The following ABCD3 variants were observed in gnomAD, a reference collection of about 807,000 sequenced individuals.
ABCD3 encodes ATP-binding cassette sub-family D member 3.
Under a neutral mutation model 105.5 loss-of-function variants are expected in ABCD3, and 41 were observed. The ratio of observed to expected loss-of-function variants is 0.39; its 90% CI spans 0.30 to 0.50. The LOEUF is 0.50. Ranked by LOEUF, ABCD3 falls within the 20% of genes least tolerant of loss-of-function variation. ABCD3 has a pLI of 0.84. For missense variants in ABCD3, 622 were observed against 806.3 expected, an observed-to-expected ratio of 0.77 and a Z score of 2.77; for synonymous variants, 258 against 269.0, an observed-to-expected ratio of 0.96 and a Z score of 0.40.
At chr1:94,462,811 A>T (rs1270882838) in intron 2 of ABCD3, among the ~76,000 whole-genome samples, 1 of 152,178 alleles carries the variant, frequency 6.6e-6, no homozygotes, top group Admixed American at 6.6e-5. Flanking sequence ...GCCTACAGGT[A>T]AGGCAAGGTG....
intron 1 of ABCD3, among the ~76,000 whole-genome samples, chr1:94,434,630 T>A (rs1659829574): frequency 6.6e-6 from 1 of 152,216 alleles, no homozygotes; most frequent in Non-Finnish European, 1.5e-5. Flanking sequence ...TTCACTGAAA[T>A]GTTATGCAGT....
chr1:94,464,898 T>G, intron 3 of ABCD3, 25 bp downstream of exon 3: 1 of 1,567,004 alleles, frequency 6.4e-7, no homozygotes, highest in South Asian at 1.1e-5. Flanking sequence ...ATTATAATCT[T>G]AAGTATATTG....
intron 1 of ABCD3, among the ~76,000 whole-genome samples, chr1:94,447,996 G>C (rs755709184): frequency 2.0e-4 from 31 of 152,302 alleles, no homozygotes; most frequent in Admixed American, 4.6e-4. Context: ...AGCTGAGGCA[G>C]AGCTTCAGCT....
chr1:94,469,509 T>TA (rs35331533), intron 4 of ABCD3, among the ~76,000 whole-genome samples: 1 of 134,928 alleles, frequency 7.4e-6, no homozygotes, highest in African/African-American at 2.6e-5. Context: ...TTTTTTTTTT[T>TA]AAACCTACTT....
chr1:94,497,606 G>T (rs1021485376), intron 16 of ABCD3, among the ~76,000 whole-genome samples: 1 of 152,114 alleles, frequency 6.6e-6, no homozygotes, highest in Non-Finnish European at 1.5e-5. Flanking sequence ...TCTTTATGTT[G>T]TTGCAGAATA....
chr1:94,385,320 A>T, the ABCD3 span, among the ~76,000 whole-genome samples: 10 of 152,286 alleles, frequency 6.6e-5, no homozygotes, highest in South Asian at 4.2e-4. Context: ...AATAAAATAC[A>T]CTTGTGGACT....
chr1:94,411,562 A>G, the ABCD3 span, among the ~76,000 whole-genome samples: 1 of 152,198 alleles, frequency 6.6e-6, no homozygotes, highest in East Asian at 1.9e-4. Context: ...GCTGCTGTGG[A>G]AAAGTTTGGC....
intron 19 of ABCD3, among the ~76,000 whole-genome samples, chr1:94,499,270 A>G (rs1024288005): frequency 8.5e-5 from 13 of 152,156 alleles, no homozygotes; most frequent in African/African-American, 2.9e-4. Context: ...ACTGTGTACA[A>G]TAGTGTTATT....
chr1:94,447,704 A>G (rs1033179222), intron 1 of ABCD3, among the ~76,000 whole-genome samples: 1 of 152,174 alleles, frequency 6.6e-6, no homozygotes, highest in African/African-American at 2.4e-5. Context: ...ATCACTTGCA[A>G]AATTCAGTTT....
intron 2 of ABCD3, among the ~76,000 whole-genome samples, chr1:94,460,183 A>G (rs982630856): frequency 2.0e-5 from 3 of 152,206 alleles, no homozygotes; most frequent in Non-Finnish European, 4.4e-5. Context: ...TTAGATAAAC[A>G]TTAATTTATT....
the ABCD3 span, among the ~76,000 whole-genome samples, chr1:94,391,036 C>T: frequency 3.7e-4 from 57 of 152,282 alleles, no homozygotes; most frequent in South Asian, 1.0e-3. Context: ...TTCACAGTTA[C>T]GCTGATAAAT....
the ABCD3 span, among the ~76,000 whole-genome samples, chr1:94,392,909 G>A: frequency 6.6e-6 from 1 of 151,570 alleles, no homozygotes; most frequent in African/African-American, 2.4e-5. Flanking sequence ...GTCAAGAGAT[G>A]GAGACTATCC....
At chr1:94,450,153 G>A (rs896120099) in intron 1 of ABCD3, among the ~76,000 whole-genome samples, 4 of 152,190 alleles carry the variant, frequency 2.6e-5, no homozygotes, top group African/African-American at 9.6e-5. Context: ...ACACTTGGAC[G>A]ATCTGTGATT....
At chr1:94,396,722 A>G in the ABCD3 span, among the ~76,000 whole-genome samples, 2 of 152,156 alleles carry the variant, frequency 1.3e-5, no homozygotes, top group Non-Finnish European at 2.9e-5. Context: ...AAATACCTGA[A>G]ATTGTATTGA....
intron 2 of ABCD3, among the ~76,000 whole-genome samples, chr1:94,459,481 A>C (rs12029867): frequency 0.023 from 3,522 of 152,268 alleles, 78 homozygotes; most frequent in South Asian, 0.086. Flanking sequence ...TATTGCTAAA[A>C]TTCATCCTAA....
chr1:94,439,610 A>AAC (rs1407743814), intron 1 of ABCD3, among the ~76,000 whole-genome samples: 1 of 152,216 alleles, frequency 6.6e-6, no homozygotes, highest in Non-Finnish European at 1.5e-5. Context: ...CAGCCTGGGC[A>AAC]ACAGAGCGAG....
intron 21 of ABCD3, among the ~76,000 whole-genome samples, chr1:94,511,361 G>A (rs1198716086): frequency 3.9e-5 from 6 of 152,214 alleles, no homozygotes; most frequent in Admixed American, 1.3e-4. Context: ...CGAGAGATCC[G>A]CTGTTAGTCT....
At chr1:94,469,058 T>C (rs186205089) in intron 4 of ABCD3, among the ~76,000 whole-genome samples, 1 of 152,356 alleles carries the variant, frequency 6.6e-6, no homozygotes, top group East Asian at 1.9e-4. Flanking sequence ...CATAGCTTAA[T>C]GTCAGATGTT....
chr1:94,419,471 T>C (rs529575933), intron 1 of ABCD3: 1 of 456,432 alleles, frequency 2.2e-6, no homozygotes, highest in Non-Finnish European at 2.9e-6. Context: ...GGTATGTATG[T>C]CACATACATG....
Sources: gnomAD v4.1 joint callset for allele counts (sites outside exome capture counted in the v4.1 genomes callset) on GRCh38, gnomAD v4.1.1 for gene constraint, MANE v1.5 for transcripts, NCBI Gene and HGNC (gene_info 2026-07-23, HGNC 2026-07-21) for gene names.